The following ACTR3C variants were observed in gnomAD, a reference collection of about 807,000 sequenced individuals.
ACTR3C encodes actin related protein 3C.
Under a neutral mutation model 26.3 loss-of-function variants are expected in ACTR3C, and 18 were observed. The ratio of observed to expected loss-of-function variants is 0.68; its 90% CI spans 0.47 to 1.01. The LOEUF (loss-of-function observed/expected upper bound fraction) is 1.01, where lower values mean the gene tolerates loss of function less well. ACTR3C is among the 50% of genes least tolerant of loss of function. ACTR3C has a pLI of 0.00. For synonymous variants in ACTR3C, 55 were observed against 94.5 expected (o/e 0.58, Z 2.42); for missense variants, 184 against 250.7 (o/e 0.73, Z 1.80).
the ACTR3C span, among the ~76,000 whole-genome samples, chr7:150,026,987 C>G: frequency 6.6e-6 from 1 of 151,878 alleles, no homozygotes; most frequent in Non-Finnish European, 1.5e-5. Context: ...AGGAGAAAAT[C>G]AAACCGAGGC....
the ACTR3C span, among the ~76,000 whole-genome samples, chr7:150,064,565 CAA>C: frequency 0.4 from 55,913 of 139,746 alleles, 11,555 homozygotes; most frequent in East Asian, 0.63. Flanking sequence ...GACTTGATCT[CAA>C]AAAAAAAAAA....
At chr7:150,124,957 T>A in the ACTR3C span, among the ~76,000 whole-genome samples, 1 of 152,352 alleles carries the variant, frequency 6.6e-6, no homozygotes, top group East Asian at 1.9e-4. Context: ...GTTTCATAAG[T>A]TGCCTCCGAC....
chr7:150,217,498 G>T, the ACTR3C span, among the ~76,000 whole-genome samples: 1 of 151,242 alleles, frequency 6.6e-6, no homozygotes, highest in South Asian at 2.1e-4. Flanking sequence ...CTGCTCAGAA[G>T]GTGAGTGCCA....
chr7:149,903,270 G>A, the ACTR3C span, among the ~76,000 whole-genome samples: 3 of 148,370 alleles, frequency 2.0e-5, no homozygotes, highest in Non-Finnish European at 3.0e-5. Context: ...AAAGAAACAC[G>A]AAGTGTTAGA....
the ACTR3C span, among the ~76,000 whole-genome samples, chr7:150,023,123 A>T: frequency 1.3e-5 from 2 of 149,390 alleles, no homozygotes; most frequent in South Asian, 2.1e-4. Flanking sequence ...ATATATCTAC[A>T]TATCTATATA....
the ACTR3C span, among the ~76,000 whole-genome samples, chr7:150,100,697 T>TTTTTTTTC: frequency 1.3e-5 from 2 of 149,208 alleles, no homozygotes; most frequent in Admixed American, 6.7e-5. Flanking sequence ...GAGCTTGAGT[T>TTTTTTTTC]TTTCTTTCTT....
At chr7:150,196,067 C>A in the ACTR3C span, among the ~76,000 whole-genome samples, 5 of 152,208 alleles carry the variant, frequency 3.3e-5, no homozygotes, top group African/African-American at 1.2e-4. Flanking sequence ...TGTCTGTGTA[C>A]ACAAATGCAC....
At chr7:149,897,426 C>T in the ACTR3C span, among the ~76,000 whole-genome samples, 3 of 152,230 alleles carry the variant, frequency 2.0e-5, no homozygotes, top group Non-Finnish European at 4.4e-5. Context: ...ATAGAATTTT[C>T]TCAAACAGAG....
chr7:149,935,740 A>G, the ACTR3C span, among the ~76,000 whole-genome samples: 135,361 of 147,692 alleles, frequency 0.92, 62,714 homozygotes, highest in Non-Finnish European at 0.99. Context: ...AAAAGCAAAC[A>G]AATAAAACCA....
chr7:150,251,260 G>A (rs1338468767), intron 6 of ACTR3C, among the ~76,000 whole-genome samples: 5 of 152,028 alleles, frequency 3.3e-5, no homozygotes, highest in Non-Finnish European at 7.4e-5. Flanking sequence ...TATCTTACTC[G>A]TGTTCAACAC....
chr7:150,247,993 A>G (rs1832560557), intron 7 of ACTR3C: 1 of 152,236 alleles, frequency 6.6e-6, no homozygotes. Flanking sequence ...TTTAAAAATT[A>G]CCCCATCTCA....
At chr7:149,971,660 T>A in the ACTR3C span, among the ~76,000 whole-genome samples, 3 of 152,358 alleles carry the variant, frequency 2.0e-5, no homozygotes, top group African/African-American at 7.2e-5. Context: ...CGTCTTAGTT[T>A]GCATCCTGCT....
chr7:150,033,840 G>A, the ACTR3C span, among the ~76,000 whole-genome samples: 1 of 151,892 alleles, frequency 6.6e-6, no homozygotes, highest in African/African-American at 2.4e-5. Context: ...CTCGTGGGGG[G>A]TGCCTCCGCC....
the ACTR3C span, among the ~76,000 whole-genome samples, chr7:150,059,713 C>A: frequency 6.6e-6 from 1 of 152,100 alleles, no homozygotes; most frequent in Non-Finnish European, 1.5e-5. Flanking sequence ...AATGCAAAAC[C>A]CTGTTGCCCT....
At chr7:150,048,214 G>A in the ACTR3C span, among the ~76,000 whole-genome samples, 1 of 152,126 alleles carries the variant, frequency 6.6e-6, no homozygotes, top group Non-Finnish European at 1.5e-5. Flanking sequence ...ATAAAGCGAG[G>A]GAAATGCCTA....
intron 6 of ACTR3C, among the ~76,000 whole-genome samples, chr7:150,268,264 A>T (rs961064469): frequency 2.7e-5 from 4 of 148,418 alleles, no homozygotes; most frequent in African/African-American, 1.0e-4. Flanking sequence ...GTTGCTATGG[A>T]CAACAGGAAA....
At chr7:150,009,910 C>T in the ACTR3C span, among the ~76,000 whole-genome samples, 327 of 152,358 alleles carry the variant, frequency 2.1e-3, 5 homozygotes, top group Non-Finnish European at 2.6e-3. Context: ...AGTCCTTCTT[C>T]AGCTGTAAAG....
the ACTR3C span, among the ~76,000 whole-genome samples, chr7:150,201,173 A>G: frequency 3.3e-5 from 5 of 152,194 alleles, no homozygotes; most frequent in East Asian, 1.9e-4. Context: ...ATACTTTTCA[A>G]GTTCTTAAAA....
the ACTR3C span, among the ~76,000 whole-genome samples, chr7:150,143,033 T>C: frequency 6.6e-6 from 1 of 152,016 alleles, no homozygotes; most frequent in Admixed American, 6.6e-5. Flanking sequence ...GGTTTCACCA[T>C]GTTGGCCAGG....
Sources: gnomAD v4.1 joint callset for allele counts (sites outside exome capture counted in the v4.1 genomes callset) on GRCh38, gnomAD v4.1.1 for gene constraint, MANE v1.5 for transcripts, NCBI Gene and HGNC (gene_info 2026-07-23, HGNC 2026-07-21) for gene names.